Variants in CNTNAP5 observed in about 807,000 individuals in gnomAD.
CNTNAP5 encodes contactin-associated protein-like 5.
Under a neutral mutation model 150.2 loss-of-function variants are expected in CNTNAP5, and 72 were observed. That is an observed-to-expected ratio of 0.48 (90% CI 0.40 to 0.58). The LOEUF is 0.58. Ranked by LOEUF, CNTNAP5 falls within the 20% of genes least tolerant of loss-of-function variation. The pLI, the probability that CNTNAP5 is intolerant of heterozygous loss-of-function variation, is 0.00. For missense variants in CNTNAP5, 1,636 were observed against 1,626.2 expected, an observed-to-expected ratio of 1.01 and a Z score of -0.10; for synonymous variants, 672 against 619.8, an observed-to-expected ratio of 1.08 and a Z score of -1.25.
chr2:124,152,190 C>T (rs1229941325), intron 1 of CNTNAP5, among the ~76,000 whole-genome samples: 1 of 152,188 alleles, frequency 6.6e-6, no homozygotes, highest in East Asian at 1.9e-4. Flanking sequence ...TAAAACAGGG[C>T]TTGTCTGACT....
At chr2:124,209,594 A>G (rs1383093086) in intron 1 of CNTNAP5, among the ~76,000 whole-genome samples, 3 of 152,098 alleles carry the variant, frequency 2.0e-5, no homozygotes, top group South Asian at 2.1e-4. Context: ...CTTAGTCTTC[A>G]TTTAAGACTG....
intron 13 of CNTNAP5, among the ~76,000 whole-genome samples, chr2:124,703,436 C>T (rs1265330763): frequency 2.6e-5 from 4 of 152,138 alleles, no homozygotes; most frequent in African/African-American, 9.7e-5. Flanking sequence ...TACTTTTTAA[C>T]CTCTGATCCA....
intron 19 of CNTNAP5, among the ~76,000 whole-genome samples, chr2:124,856,009 C>T (rs939438854): frequency 1.3e-5 from 2 of 151,856 alleles, no homozygotes; most frequent in Admixed American, 6.6e-5. Context: ...TAAGGGTCTC[C>T]AGTTCCATCC....
At chr2:124,848,344 T>C (rs1683091695) in intron 19 of CNTNAP5, among the ~76,000 whole-genome samples, 1 of 152,226 alleles carries the variant, frequency 6.6e-6, no homozygotes, top group African/African-American at 2.4e-5. Flanking sequence ...TTATTGAGAA[T>C]TAAAGTATTT....
intron 1 of CNTNAP5, among the ~76,000 whole-genome samples, chr2:124,176,882 T>C (rs1015755114): frequency 1.3e-5 from 2 of 150,742 alleles, no homozygotes; most frequent in Admixed American, 1.3e-4. Flanking sequence ...TTCTCTCTTG[T>C]TGCCCAGGGC....
At chr2:124,342,170 A>G (rs1236040869) in intron 3 of CNTNAP5, among the ~76,000 whole-genome samples, 1 of 152,180 alleles carries the variant, frequency 6.6e-6, no homozygotes, top group Non-Finnish European at 1.5e-5. Flanking sequence ...AGGAAGTCCA[A>G]TTTGTTTGCA....
At chr2:124,603,019 C>A (rs1448640640) in intron 11 of CNTNAP5, among the ~76,000 whole-genome samples, 1 of 138,390 alleles carries the variant, frequency 7.2e-6, no homozygotes, top group African/African-American at 2.7e-5. Context: ...CCCTCCCTCC[C>A]TCCCTCCCTT....
intron 6 of CNTNAP5, among the ~76,000 whole-genome samples, chr2:124,466,984 C>T (rs1302733200): frequency 6.6e-6 from 1 of 151,926 alleles, no homozygotes; most frequent in Non-Finnish European, 1.5e-5. Context: ...CAAAGGTACA[C>T]CAATTAAATG....
chr2:124,624,430 CT>C (rs1386335409), intron 12 of CNTNAP5, among the ~76,000 whole-genome samples: 1 of 152,126 alleles, frequency 6.6e-6, no homozygotes, highest in African/African-American at 2.4e-5. Context: ...TCTTGAATTC[CT>C]TTATTATCTT....
intron 20 of CNTNAP5, among the ~76,000 whole-genome samples, chr2:124,868,106 C>T (rs1018585212): frequency 6.6e-6 from 1 of 152,156 alleles, no homozygotes; most frequent in African/African-American, 2.4e-5. Flanking sequence ...TCACTGTTTA[C>T]AGTTGCCTTT....
chr2:124,778,791 T>C (rs1018042953), intron 17 of CNTNAP5, among the ~76,000 whole-genome samples: 15 of 151,826 alleles, frequency 9.9e-5, no homozygotes, highest in Non-Finnish European at 2.1e-4. Flanking sequence ...GGTAATGTAG[T>C]GTCCGACTCA....
chr2:124,423,810 G>A (rs1692176041), intron 4 of CNTNAP5, among the ~76,000 whole-genome samples: 1 of 144,904 alleles, frequency 6.9e-6, no homozygotes, highest in South Asian at 2.3e-4. Flanking sequence ...GACTACAGGC[G>A]CCCGCTACCA....
chr2:124,671,072 G>A (rs1678813964), intron 13 of CNTNAP5, among the ~76,000 whole-genome samples: 3 of 152,070 alleles, frequency 2.0e-5, no homozygotes, highest in Non-Finnish European at 4.4e-5. Context: ...CTGTCGCCAC[G>A]GGCCTCATTC....
intron 1 of CNTNAP5, among the ~76,000 whole-genome samples, chr2:124,142,889 G>A (rs1051620052): frequency 1.9e-4 from 29 of 149,870 alleles, no homozygotes; most frequent in African/African-American, 4.2e-4. Flanking sequence ...TTGATAGACC[G>A]CTAGCAAGAC....
In CNTNAP5 at chr2:124,393,793, C is replaced by A. The variant is rs1267600679; in HGVS notation, c.382-23650C>A. On this transcript the variant is annotated intron_variant, in intron 3 of 23. Coordinates refer to ENST00000682447, the MANE Select transcript of CNTNAP5 (RefSeq NM_001367498.1). ...GGACATCTCATTGTGTCAGGCTGCA[C>A]CTCACCTGAACAGGGATATGGTTTT... is the stretch of plus-strand genomic sequence containing the variant. 4.6e-5 allele frequency among the ~76,000 whole-genome samples: 7 copies of A among 152,320 alleles called. No homozygotes were observed. The South Asian group carries it at 1.2e-3, about 27-fold the overall frequency.
rs1381432342 is a variant in CNTNAP5 at position 124,653,914 on chromosome 2, C to CCCG, written c.2077+5958_2077+5959insGCC. Among the ~76,000 whole-genome samples, 16 of 128,736 alleles carry CCCG rather than the reference C, an allele frequency of 1.2e-4. 1 individual carries two copies. Among genetic ancestry groups the CCCG allele is most frequent in the Non-Finnish European group, 1.8e-4 (11 of 60,520 alleles). 84.5% of individuals were successfully genotyped at this position (128,736 alleles called of 152,430 possible). Reference sequence around the variant, plus strand: ...AAACATGCCCCCACTGCCCCCAACCCCCCCCCCCCGCCACACACACACAAT... The same window carrying CCCG: ...AAACATGCCCCCACTGCCCCCAACCCCCGCCCCCCCCCGCCACACACACACAAT... On this transcript the variant is annotated intron_variant, in intron 13 of 23. Coordinates refer to ENST00000682447, the MANE Select transcript of CNTNAP5 (RefSeq NM_001367498.1).
In CNTNAP5 at chr2:124,408,176, G is replaced by A. The variant is rs545669325; in HGVS notation, c.382-9267G>A. On this transcript the variant is annotated intron_variant, in intron 3 of 23. Transcript: ENST00000682447. ...CACCCGAATACTGCGCTTTTCCGAC[G>A]GGCTTAAAAAACGGCACACCACGAG... Among the ~76,000 whole-genome samples the A allele has an allele frequency of 4.1e-4, 63 of 152,290 alleles. 2 individuals are homozygous for A. The highest frequency in any genetic ancestry group is 1.4e-3 in the African/African-American group (60 of 41,562).
chr2:124,547,724 A>G (rs1041670573), intron 10 of CNTNAP5, among the ~76,000 whole-genome samples: 1 of 152,206 alleles, frequency 6.6e-6, no homozygotes, highest in African/African-American at 2.4e-5. Flanking sequence ...TTAAAGAGTA[A>G]GGTTCTTTTC....
At position 124,398,535 on chromosome 2, in the gene CNTNAP5, T is replaced by G. The variant is rs977907290; in HGVS notation, c.382-18908T>G. Among the ~76,000 whole-genome samples, 5 of 150,476 alleles carry G rather than the reference T, an allele frequency of 3.3e-5. No individual in the cohort carries two copies. In the South Asian group the frequency reaches 8.5e-4, roughly 25 times the overall value. On this transcript the variant is annotated intron_variant, in intron 3 of 23. Coordinates refer to ENST00000682447, the MANE Select transcript of CNTNAP5 (RefSeq NM_001367498.1). ...TTTTGAGATGAAGTTTTGCTCTTTT[T>G]GCCCGGACTGGAGTACAATGGCCTG... is the stretch of plus-strand genomic sequence containing the variant.
Sources: allele counts gnomAD v4.1 joint callset (sites outside exome capture counted in the v4.1 genomes callset), GRCh38; gene constraint gnomAD v4.1.1; transcripts MANE v1.5; gene names NCBI Gene and HGNC (gene_info 2026-07-23, HGNC 2026-07-21).